ELL2: variants seen among roughly 807,000 people sequenced by gnomAD.
The protein encoded by ELL2 is elongation factor for RNA polymerase II 2.
A neutral mutation model predicts 72.8 loss-of-function variants in ELL2; 21 were observed. The observed-to-expected ratio is 0.29, with a 90% CI of 0.20 to 0.42. ELL2 has a LOEUF of 0.42. ELL2 is among the 10% of genes least tolerant of loss of function. ELL2 has a pLI of 1.00. For missense variants in ELL2, 568 were observed against 772.8 expected, an observed-to-expected ratio of 0.73 and a Z score of 3.14; for synonymous variants, 266 against 283.2, an observed-to-expected ratio of 0.94 and a Z score of 0.61.
intron 3 of ELL2, 61 bp from the exon 4 acceptor site, chr5:95,913,995 C>G (rs1465621737): frequency 6.9e-7 from 1 of 1,444,716 alleles, no homozygotes; most frequent in Non-Finnish European, 9.2e-7. Context: ...TAAAGGCAAA[C>G]AAGAATTATA....
intron 2 of ELL2, among the ~76,000 whole-genome samples, chr5:95,942,380 T>C (rs1203168687): frequency 2.6e-5 from 4 of 152,162 alleles, no homozygotes; most frequent in Admixed American, 1.3e-4. Flanking sequence ...TTTATTACTA[T>C]GAAATATTAA....
rs573366105 is a variant in ELL2, at chr5:95,907,910, A to G, written c.482-1128T>C. Reference sequence around the variant, plus strand: ...CTCACTGGGGCAGGAGCTTTACTGAATAGTAATTCTGTCCATGCTGGGCTC... The same window carrying G: ...CTCACTGGGGCAGGAGCTTTACTGAGTAGTAATTCTGTCCATGCTGGGCTC... On this transcript the variant is annotated intron_variant, in intron 4 of 11. Transcript: ENST00000237853. Among the ~76,000 whole-genome samples the G allele has an allele frequency of 7.9e-5, 12 of 152,294 alleles. No homozygotes were observed. In the South Asian group the frequency reaches 2.5e-3, roughly 32 times the overall value.
At chr5:95,930,613 C>T (rs1195385446) in intron 2 of ELL2, among the ~76,000 whole-genome samples, 2 of 152,116 alleles carry the variant, frequency 1.3e-5, no homozygotes, top group Admixed American at 1.3e-4. Flanking sequence ...GGTAAAGTTA[C>T]CGAATGCTTT....
In ELL2 at chr5:95,900,965, A is replaced by G; in HGVS notation, c.857T>C (p.Val286Ala). Residue 286 changes from valine (V) to alanine (A), a missense_variant, in exon 6 of 12, where the codon GTG becomes GCG. By Grantham distance (64) the Val-to-Ala change is moderately conservative (BLOSUM62 0). This residue lies in a region of ELL2 where 511 missense variants were observed against 728.4 expected (regional missense o/e 0.70). Transcript: ENST00000237853. The part of the protein sequence containing the change: ...SEIDRRSLES[V>A]LSRKLNPSQN... ...GAAAAAAAGAATTCACCTAGAGAGC[A>G]CTGACTCCAATGACCGTCTGTCTAT... 1 of 1,602,168 alleles carries G rather than the reference A, an allele frequency of 6.2e-7. No individual in the cohort carries two copies. Among genetic ancestry groups the G allele is most frequent in the African/African-American group, 1.3e-5 (1 of 74,158 alleles).
At chr5:95,900,619 C>T (rs1400484251) in intron 7 of ELL2, 74 bp downstream of exon 7, 1 of 1,111,112 alleles carries the variant, frequency 9.0e-7, no homozygotes, top group Non-Finnish European at 1.3e-6. Context: ...ATTTCCTTCA[C>T]TTATACATCA....
rs545111474 is a variant in ELL2, at chr5:95,927,460, C to T, written c.196-7915G>A. ...GTGTGTATATAGACATACACACACA[C>T]GTGTGTATATAGACATACACACACG... On this transcript the variant is annotated intron_variant, in intron 2 of 11. Transcript: ENST00000237853. 7.5e-4 allele frequency among the ~76,000 whole-genome samples: 25 copies of T among 33,426 alleles called. 6 individuals carry two copies. The highest frequency in any genetic ancestry group is 2.1e-3 in the African/African-American group (7 of 3,270). 21.9% of individuals were successfully genotyped at this position (33,426 alleles called of 152,430 possible). A position where few individuals can be genotyped will look rare whatever the true frequency, so the allele number is the denominator to read the frequency against.
At chr5:95,913,601 A>G (rs1350030155) in intron 4 of ELL2, 170 bp downstream of exon 4, 1 of 611,834 alleles carries the variant, frequency 1.6e-6, no homozygotes, top group East Asian at 3.3e-5. Context: ...TCTTCAATTT[A>G]CTGGCAGTCT....
At chr5:95,907,378 G>A (rs868302977) in intron 4 of ELL2, among the ~76,000 whole-genome samples, 1 of 149,582 alleles carries the variant, frequency 6.7e-6, no homozygotes, top group Non-Finnish European at 1.5e-5. Context: ...AGTCTCAGAG[G>A]GCACAAACAA....
chr5:95,933,265 T>G (rs919972198), intron 2 of ELL2, among the ~76,000 whole-genome samples: 1 of 152,128 alleles, frequency 6.6e-6, no homozygotes, highest in East Asian at 1.9e-4. Context: ...TTTAAAAGTA[T>G]TCTGACCTAA....
At chr5:95,957,739 T>C (rs1006005285) in intron 1 of ELL2, among the ~76,000 whole-genome samples, 1 of 152,194 alleles carries the variant, frequency 6.6e-6, no homozygotes, top group Admixed American at 6.5e-5. Context: ...AGTAGGATTA[T>C]GTGTCTTTTG....
intron 1 of ELL2, among the ~76,000 whole-genome samples, chr5:95,958,467 C>A (rs150734600): frequency 6.6e-6 from 1 of 152,180 alleles, no homozygotes; most frequent in Non-Finnish European, 1.5e-5. Flanking sequence ...TAAGTACCAA[C>A]GGTACATTCA....
intron 2 of ELL2, among the ~76,000 whole-genome samples, chr5:95,920,588 A>G (rs1406380127): frequency 6.6e-6 from 1 of 151,854 alleles, no homozygotes. Context: ...GAGCAAAGGG[A>G]CAGAGTTGTT....
chr5:95,931,975 G>T (rs1750617493), intron 2 of ELL2, among the ~76,000 whole-genome samples: 1 of 133,096 alleles, frequency 7.5e-6, no homozygotes, highest in South Asian at 2.4e-4. Context: ...AGTCTGTGGG[G>T]GTGTTTTTTT....
rs147785982 is a variant in ELL2 at position 95,940,938 on chromosome 5, T to C, written c.195+2064A>G. 2.8e-3 allele frequency among the ~76,000 whole-genome samples: 419 copies of C among 151,730 alleles called. 2 individuals carry two copies. The highest frequency in any genetic ancestry group is 6.8e-3 in the Middle Eastern group (2 of 294). ...GTAATGACTCTTTGTTTTTACTAAG[T>C]CCCAAAGAGCTGGGGAGAGCTCTGC... On this transcript the variant is annotated intron_variant, in intron 2 of 11. Transcript: ENST00000237853.
chr5:95,908,201 C>T (rs908718128), intron 4 of ELL2, among the ~76,000 whole-genome samples: 15 of 152,142 alleles, frequency 9.9e-5, no homozygotes, highest in African/African-American at 3.6e-4. Context: ...CTTACATCAG[C>T]TGGAAACTTA....
chr5:95,957,537 A>G (rs540897327), intron 1 of ELL2, among the ~76,000 whole-genome samples: 10 of 152,362 alleles, frequency 6.6e-5, no homozygotes, highest in Admixed American at 6.5e-4. Context: ...CATGAAAATA[A>G]CTTTCCAGTT....
At chr5:95,933,165 C>T (rs1021986112) in intron 2 of ELL2, among the ~76,000 whole-genome samples, 3 of 152,118 alleles carry the variant, frequency 2.0e-5, no homozygotes, top group Admixed American at 6.6e-5. Context: ...CTGGCACTTT[C>T]GAACAGCTGT....
chr5:95,929,673 G>C (rs1283288618), intron 2 of ELL2, among the ~76,000 whole-genome samples: 3 of 151,772 alleles, frequency 2.0e-5, no homozygotes, highest in Non-Finnish European at 2.9e-5. Context: ...CCTTATGTCA[G>C]GGATACTAAA....
At chr5:95,934,738 T>C (rs865800060) in intron 2 of ELL2, among the ~76,000 whole-genome samples, 2 of 152,230 alleles carry the variant, frequency 1.3e-5, no homozygotes, top group African/African-American at 4.8e-5. Flanking sequence ...CCTTGTCAAC[T>C]TGTTTTTTTA....
Sources: allele counts gnomAD v4.1 joint callset (sites outside exome capture counted in the v4.1 genomes callset), GRCh38; gene constraint gnomAD v4.1.1; regional missense constraint gnomAD v4.1.1; transcripts MANE v1.5; gene names NCBI Gene and HGNC (gene_info 2026-07-23, HGNC 2026-07-21).